UBR4: variants seen among roughly 807,000 people sequenced by gnomAD.
UBR4 encodes the protein ubiquitin protein ligase E3 component n-recognin 4.
In UBR4, 124 loss-of-function variants were observed where a neutral mutation model predicts 575.6. The ratio of observed to expected loss-of-function variants is 0.22; its 90% CI spans 0.19 to 0.25. UBR4 has a LOEUF of 0.25. Among genes scored for constraint, UBR4 ranks in the 10% least tolerant of loss-of-function variants. The pLI is 1.00. For synonymous variants in UBR4, 2,455 were observed against 2,473.7 expected, an observed-to-expected ratio of 0.99 and a Z score of 0.22; for missense variants, 4,818 against 6,478.8, an observed-to-expected ratio of 0.74 and a Z score of 8.80.
chr1:19,158,091 A>G (rs2086690636), intron 39 of UBR4, 94 bp from the exon 40 acceptor site: 2 of 1,341,464 alleles, frequency 1.5e-6, no homozygotes, highest in Non-Finnish European at 2.0e-6. Context: ...ACACTGCACA[A>G]TTCAGTCATT....
intron 81 of UBR4, among the ~76,000 whole-genome samples, chr1:19,108,148 T>A (rs951918940): frequency 6.6e-6 from 1 of 152,310 alleles, no homozygotes; most frequent in East Asian, 1.9e-4. Flanking sequence ...ACTCAACAAA[T>A]TACAGGGTCT....
chr1:19,137,206 A>G (rs1011635282), intron 60 of UBR4, among the ~76,000 whole-genome samples: 1 of 151,846 alleles, frequency 6.6e-6, no homozygotes, highest in Non-Finnish European at 1.5e-5. Context: ...AGGCTGAGGT[A>G]GGAGAATCAC....
chr1:19,113,601 AC>A, intron 77 of UBR4, 97 bp downstream of exon 77: 1 of 1,552,462 alleles, frequency 6.4e-7, no homozygotes. Flanking sequence ...CAACACCAAG[AC>A]CTGGACTGCT....
intron 37 of UBR4, 91 bp downstream of exon 37, chr1:19,161,498 T>C: frequency 6.7e-7 from 1 of 1,495,910 alleles, no homozygotes; most frequent in South Asian, 1.3e-5. Flanking sequence ...GACTCAGGTA[T>C]CCTGGAGGTG....
rs971487692 is a variant in UBR4 at position 19,185,236 on chromosome 1, G to C, written c.1801C>G (p.Pro601Ala). 2.5e-6 allele frequency: 4 copies of C among 1,611,888 alleles called. No individual in the cohort carries two copies. Among genetic ancestry groups the C allele is most frequent in the African/African-American group, 2.7e-5 (2 of 74,784 alleles). Reference protein sequence around the residue: ...LGQWFEETISPSKEKAAPPPP... With the variant: ...LGQWFEETISASKEKAAPPPP... The stretch of plus-strand genomic sequence containing the variant: ...GGAGGTGCTGCTTTCTCTTTACTGG[G>C]AGAAATAGTCTCCTCAAACCATTGC... Residue 601 changes from proline (P) to alanine (A), a missense_variant, in exon 15 of 106, where the codon CCC becomes GCC. Coordinates refer to ENST00000375254, the MANE Select transcript of UBR4 (RefSeq NM_020765.3).
rs147127000 is a variant in UBR4, at chr1:19,152,320, T to C, written c.6989A>G (p.Asn2330Ser). 382 of 1,614,000 alleles carry C rather than the reference T, an allele frequency of 2.4e-4. 2 individuals carry two copies. The African/African-American group carries it at 4.4e-3, about 19-fold the overall frequency. ...GCCCAGTGCCATTCTTACCTTGGTG[T>C]TGGCCACATACATGCCAGTGGAATT... ...RLNSTGMYVA[N>S]TKPGGFTIEI... is the part of the protein sequence containing the mutation. Residue 2330 changes from asparagine (N) to serine (S), a missense_variant, in exon 47 of 106, where the codon AAC becomes AGC. Asn to Ser is a conservative substitution (Grantham distance 46). Transcript: ENST00000375254. The surrounding 1 kb of genome is among the most constrained non-coding windows in gnomAD (Gnocchi z 4.4).
chr1:19,162,926 AC>A (rs2087629823), intron 34 of UBR4, among the ~76,000 whole-genome samples: 1 of 152,194 alleles, frequency 6.6e-6, no homozygotes, highest in Admixed American at 6.5e-5. Flanking sequence ...TCAAGAAAAG[AC>A]CAGATTAGAG....
chr1:19,191,088 C>A (rs2092035488), intron 11 of UBR4, among the ~76,000 whole-genome samples: 2 of 152,208 alleles, frequency 1.3e-5, no homozygotes, highest in Admixed American at 1.3e-4. Context: ...ACCCCAAATA[C>A]TTACATAGCT....
intron 60 of UBR4, among the ~76,000 whole-genome samples, chr1:19,136,153 T>C (rs2083178431): frequency 6.6e-6 from 1 of 152,118 alleles, no homozygotes; most frequent in Non-Finnish European, 1.5e-5. Flanking sequence ...AAATCTGAGA[T>C]AGTGTAAATC....
Position 19,113,684 on chromosome 1 carries a change from C to T in UBR4, c.11457+15G>A. The T allele has an allele frequency of 6.2e-7, 1 of 1,613,878 alleles. No individual in the cohort carries two copies. The highest frequency in any genetic ancestry group is 8.5e-7 in the Non-Finnish European group (1 of 1,179,930). The stretch of plus-strand genomic sequence containing the variant: ...TTGGACAAAACACACCCAAAAGCTG[C>T]TCCCCGCTCTCTACCTGGATGATTT... On this transcript the variant is annotated intron_variant, in intron 77 of 105. Coordinates refer to ENST00000375254, the MANE Select transcript of UBR4 (RefSeq NM_020765.3).
At position 19,074,853 on chromosome 1, in the gene UBR4, G is replaced by C; in HGVS notation, c.15531C>G (p.Asp5177Glu). 6.2e-7 allele frequency: 1 copy of C among 1,614,120 alleles called. No individual in the cohort carries two copies. Among genetic ancestry groups the C allele is most frequent in the Non-Finnish European group, 8.5e-7 (1 of 1,180,004 alleles). ...GTGGTCAGGGGACTGAGTTCAACAGGTCCTTCAGGAAGCTCTCTGGATCGG... is the reference window on the plus strand; with the variant it reads ...GTGGTCAGGGGACTGAGTTCAACAGCTCCTTCAGGAAGCTCTCTGGATCGG... ...EITDPESFLK[D>E]LLNSVP The change falls in exon 106 of 106, where the codon GAC becomes GAG. Residue 5177 changes from aspartate (D) to glutamate (E), a missense_variant. This residue lies in a region of UBR4 where 212 missense variants were observed against 221.3 expected (regional missense o/e 0.96). Coordinates refer to ENST00000375254, the MANE Select transcript of UBR4 (RefSeq NM_020765.3).
rs778580029 is a variant in UBR4 at position 19,077,863 on chromosome 1, C to T, written c.15324+113G>A. The stretch of plus-strand genomic sequence containing the variant: ...TTGTTTGTTTCTAGGAAAAAAGCGC[C>T]CCCAGGCCCAGCGGAGGAGCAGCCA... On this transcript the variant is annotated intron_variant, in intron 104 of 105. Coordinates refer to ENST00000375254, the MANE Select transcript of UBR4 (RefSeq NM_020765.3). 7 of 1,580,206 alleles carry T rather than the reference C, an allele frequency of 4.4e-6. No homozygotes were observed. In the Middle Eastern group the frequency reaches 6.7e-4, roughly 150 times the overall value.
Position 19,162,560 on chromosome 1 carries a change from C to A in UBR4, c.4816G>T (p.Val1606Phe). The A allele has an allele frequency of 6.2e-7, 1 of 1,614,100 alleles. No individual in the cohort carries two copies. Among genetic ancestry groups the A allele is most frequent in the Non-Finnish European group, 8.5e-7 (1 of 1,179,980 alleles). The change falls in exon 35 of 106, where the codon GTC (valine) becomes TTC (phenylalanine). Residue 1606 changes from valine to phenylalanine, a missense_variant. By Grantham distance (50) the Val-to-Phe change is conservative (BLOSUM62 -1). Around this residue, in one of 29 missense-constraint regions of UBR4, gnomAD observed 1,172 missense variants for 1,259.7 expected, o/e 0.93. Transcript: ENST00000375254. Reference sequence around the variant, plus strand: ...TTACTCTGGCTCAGGGCATTCGTGACATCAGCCAAGTAAGACATGATATGG... The same window carrying A: ...TTACTCTGGCTCAGGGCATTCGTGAAATCAGCCAAGTAAGACATGATATGG... ...TCHIMSYLAD[V>F]TNALSQSNGQ...
At chr1:19,160,795 C>T in intron 38 of UBR4, 122 bp downstream of exon 38, 1 of 944,766 alleles carries the variant, frequency 1.1e-6, no homozygotes, top group East Asian at 2.6e-5. Context: ...TGCATTCACA[C>T]TATGAAAATG....
rs1436352718 is a variant in UBR4, at chr1:19,152,549, CCAGA to C, written c.6833-77_6833-74del. ...CCAACACCACTGGTAAAGACTCCTC[CCAGA>C]CAGAGCCCACACTCACACTCTAATC... On this transcript the variant is annotated intron_variant, in intron 46 of 105. Transcript: ENST00000375254. The surrounding 1 kb of genome is among the most constrained non-coding windows in gnomAD (Gnocchi z 4.4). The C allele has an allele frequency of 2.5e-6, 4 of 1,579,702 alleles. No homozygotes were observed. The highest frequency in any genetic ancestry group is 3.5e-6 in the Non-Finnish European group (4 of 1,156,972).
At chr1:19,098,229 A>C (rs1378482690) in intron 90 of UBR4, among the ~76,000 whole-genome samples, 2 of 152,204 alleles carry the variant, frequency 1.3e-5, no homozygotes, top group African/African-American at 4.8e-5. Context: ...CTCAGAGAGA[A>C]CCACCACAGA....
At position 19,153,350 on chromosome 1, in the gene UBR4, A is replaced by G. The variant is rs1338514277; in HGVS notation, c.6783T>C (p.Ser2261=). 4 of 1,614,178 alleles carry G rather than the reference A, an allele frequency of 2.5e-6. No homozygotes were observed. The highest frequency in any genetic ancestry group is 3.4e-6 in the Non-Finnish European group (4 of 1,180,028). ...YWLQPSLQPS[S]VISIMKPVRK... ...GAACAGGCTTCATGATGCTGATGAC[A>G]CTGCTGGGCTGCAGGGATGGCTGCA... The change falls in exon 46 of 106, where the codon AGT becomes AGC. Residue 2261 remains serine, a synonymous_variant. Coordinates refer to ENST00000375254, the MANE Select transcript of UBR4 (RefSeq NM_020765.3). The surrounding 1 kb of genome is among the most constrained non-coding windows in gnomAD (Gnocchi z 4.1).
Position 19,078,221 on chromosome 1 carries a change from G to A in UBR4, c.15234-155C>T, listed in dbSNP as rs537815258. On this transcript the variant is annotated intron_variant, in intron 103 of 105. Transcript: ENST00000375254. ...TTCTGCTTGGAAAAAAGCAGCTGTG[G>A]GCAAGAACCTCTGGAGCCCTGGGAC... The A allele has an allele frequency of 1.3e-4, 87 of 680,302 alleles. No individual in the cohort carries two copies. In the South Asian group the frequency reaches 1.6e-3, roughly 13 times the overall value. 42.1% of individuals were successfully genotyped at this position (680,302 alleles called of 1,614,324 possible).
chr1:19,149,760 AAC>A, intron 49 of UBR4: 2 of 1,302,534 alleles, frequency 1.5e-6, no homozygotes, highest in Non-Finnish European at 2.0e-6. Flanking sequence ...AGGGCATACT[AAC>A]CGGTCCAGCT....
Sources: gnomAD v4.1 joint callset for allele counts (sites outside exome capture counted in the v4.1 genomes callset) on GRCh38, gnomAD v4.1.1 for gene constraint, gnomAD v4.1.1 regional missense constraint, Gnocchi (gnomAD v3.1) non-coding constraint, MANE v1.5 for transcripts, NCBI Gene and HGNC (gene_info 2026-07-23, HGNC 2026-07-21) for gene names.